The following TERB1 variants were observed in gnomAD, a reference collection of about 807,000 sequenced individuals.
TERB1 encodes the protein telomere repeats-binding bouquet formation protein 1.
TERB1 carries 63 observed loss-of-function variants against 92.3 expected under a neutral mutation model. The ratio of observed to expected loss-of-function variants is 0.68; its 90% CI spans 0.56 to 0.84. The LOEUF is 0.84. Ranked by LOEUF, TERB1 falls within the 40% of genes least tolerant of loss-of-function variation. TERB1 has a pLI of 0.00. For synonymous variants in TERB1, 252 were observed against 283.9 expected (o/e 0.89, Z 1.13); for missense variants, 709 against 843.7 (o/e 0.84, Z 1.98).
In TERB1 at chr16:66,755,180, A is replaced by G. The variant is rs1250694067; in HGVS notation, c.1997-17T>C. 2.1e-6 allele frequency: 3 copies of G among 1,420,856 alleles called. No individual in the cohort carries two copies. In the South Asian group the frequency reaches 3.7e-5, roughly 18 times the overall value. The allele number at this position is 1,420,856 out of a possible 1,614,324, so 88.0% of individuals were successfully genotyped here. Reference sequence around the variant, plus strand: ...TTCTTTTTTCTATAATTAGAATTGTAGAATATATTAGTATTTGCTGAACAA... The same window carrying G: ...TTCTTTTTTCTATAATTAGAATTGTGGAATATATTAGTATTTGCTGAACAA... On this transcript the variant is annotated splice_polypyrimidine_tract_variant and intron_variant, in intron 18 of 18. Coordinates refer to ENST00000433154, the MANE Select transcript of TERB1 (RefSeq NM_001136505.2).
intron 9 of TERB1, among the ~76,000 whole-genome samples, chr16:66,781,006 A>T (rs1441902392): frequency 6.6e-6 from 1 of 152,144 alleles, no homozygotes; most frequent in African/African-American, 2.4e-5. Flanking sequence ...TAGTATCTCC[A>T]TGGGATTTTA....
At position 66,754,984 on chromosome 16, in the gene TERB1, C is replaced by T; in HGVS notation, c.2176G>A (p.Ala726Thr). The T allele has an allele frequency of 6.5e-7, 1 of 1,548,464 alleles. No homozygotes were observed. Among genetic ancestry groups the T allele is most frequent in the Non-Finnish European group, 8.7e-7 (1 of 1,146,346 alleles). Residue 726 changes from alanine to threonine, a missense_variant, in exon 19 of 19, where the codon GCT becomes ACT. Ala to Thr is a moderately conservative substitution (Grantham distance 58). Coordinates refer to ENST00000433154, the MANE Select transcript of TERB1 (RefSeq NM_001136505.2). ...TGACAGTCTTCTTTCAATCAAGAAG[C>T]TGCACACGTGGGGTGTTTGGTCAGC... is the stretch of plus-strand genomic sequence containing the variant. ...HKLTKHPTCA[A>T]S
chr16:66,794,679 G>A (rs1178991088), intron 3 of TERB1, among the ~76,000 whole-genome samples: 1 of 152,124 alleles, frequency 6.6e-6, no homozygotes, highest in Non-Finnish European at 1.5e-5. Context: ...GGGAGGCCGA[G>A]GTGGGTGGAT....
intron 14 of TERB1, among the ~76,000 whole-genome samples, chr16:66,769,370 C>A (rs1371372322): frequency 6.6e-6 from 1 of 152,156 alleles, no homozygotes; most frequent in Non-Finnish European, 1.5e-5. Context: ...AATGTAGCAG[C>A]ATCCTCTTCA....
intron 11 of TERB1, among the ~76,000 whole-genome samples, chr16:66,776,858 G>T (rs528844175): frequency 1.3e-5 from 2 of 152,138 alleles, no homozygotes; most frequent in African/African-American, 4.8e-5. Context: ...GAAAAATGAA[G>T]GTAGAAGGGA....
intron 16 of TERB1, among the ~76,000 whole-genome samples, chr16:66,760,470 AG>A (rs1163324493): frequency 1.4e-3 from 103 of 73,212 alleles, no homozygotes; most frequent in South Asian, 2.9e-3. Flanking sequence ...AAAAAAAAAA[AG>A]AAAAGAAAAG....
chr16:66,783,484 G>A (rs1052583976), intron 9 of TERB1, among the ~76,000 whole-genome samples: 1 of 152,104 alleles, frequency 6.6e-6, no homozygotes, highest in Non-Finnish European at 1.5e-5. Flanking sequence ...ATTTTGTTAA[G>A]GATTTTTACA....
intron 11 of TERB1, among the ~76,000 whole-genome samples, chr16:66,776,831 A>C (rs559745540): frequency 1.6e-4 from 25 of 152,334 alleles, no homozygotes; most frequent in Non-Finnish European, 3.1e-4. Flanking sequence ...TTTGTGCAGC[A>C]ATGTGCAGAG....
chr16:66,792,503 A>T (rs569930604), intron 3 of TERB1, among the ~76,000 whole-genome samples: 1 of 152,318 alleles, frequency 6.6e-6, no homozygotes, highest in Non-Finnish European at 1.5e-5. Flanking sequence ...ATACAACATG[A>T]TCTTCTATAT....
Position 66,796,783 on chromosome 16 carries a change from T to C in TERB1, c.16A>G (p.Thr6Ala). 6.5e-7 allele frequency: 1 copy of C among 1,538,812 alleles called. No individual in the cohort carries two copies. Among genetic ancestry groups the C allele is most frequent in the Non-Finnish European group, 8.8e-7 (1 of 1,135,598 alleles). ...AATTTCTCACCTTGTGTTTTCTTTGTGTCTTCACTTTCCATGCTTGTCTAT... is the reference window on the plus strand; with the variant it reads ...AATTTCTCACCTTGTGTTTTCTTTGCGTCTTCACTTTCCATGCTTGTCTAT... Reference protein sequence around the residue: MESEDTKKTQEMKTDL... With the variant: MESEDAKKTQEMKTDL... The change falls in exon 3 of 19, where the codon ACA becomes GCA. Residue 6 changes from threonine (T) to alanine (A), a missense_variant. Thr to Ala is a moderately conservative substitution (Grantham distance 58). Transcript: ENST00000433154.
chr16:66,794,171 G>A (rs2018886655), intron 3 of TERB1, among the ~76,000 whole-genome samples: 1 of 151,490 alleles, frequency 6.6e-6, no homozygotes, highest in South Asian at 2.1e-4. Context: ...GCAATCACAG[G>A]GCACTGTAGC....
chr16:66,782,541 TTC>T (rs2018654323), intron 9 of TERB1, among the ~76,000 whole-genome samples: 1 of 149,678 alleles, frequency 6.7e-6, no homozygotes, highest in South Asian at 2.1e-4. Context: ...TAGAGTGAAA[TTC>T]TGTCTCAAAA....
At chr16:66,776,197 C>T (rs1403189261) in intron 11 of TERB1, among the ~76,000 whole-genome samples, 3 of 151,678 alleles carry the variant, frequency 2.0e-5, no homozygotes, top group African/African-American at 2.4e-5. Flanking sequence ...GCCCTGGTGG[C>T]GCATGCCTGT....
At chr16:66,788,390 T>C (rs1370245800) in intron 5 of TERB1, 93 bp from the exon 6 acceptor site, 25 of 1,053,964 alleles carry the variant, frequency 2.4e-5, no homozygotes, top group African/African-American at 5.1e-5. Context: ...TAACTGGCGA[T>C]GGTTCTTAAC....
At chr16:66,757,696 A>G (rs1032116235) in intron 18 of TERB1, among the ~76,000 whole-genome samples, 1 of 152,220 alleles carries the variant, frequency 6.6e-6, no homozygotes, top group Non-Finnish European at 1.5e-5. Flanking sequence ...ATGCTTCCTG[A>G]ATGTATCACG....
chr16:66,775,296 G>A (rs2018527335), intron 11 of TERB1, 53 bp from the exon 12 acceptor site: 9 of 1,454,500 alleles, frequency 6.2e-6, no homozygotes, highest in South Asian at 3.7e-5. Flanking sequence ...CTATCTATAT[G>A]AGGTCATAAT....
chr16:66,796,932 C>A (rs1186269837), intron 2 of TERB1, 102 bp from the exon 3 acceptor site: 2 of 583,190 alleles, frequency 3.4e-6, no homozygotes, highest in Non-Finnish European at 6.0e-6. Context: ...AGCCAAAAGA[C>A]CGAGGAACTA....
At position 66,755,038 on chromosome 16, in the gene TERB1, C is replaced by G. The variant is rs201994222; in HGVS notation, c.2122G>C (p.Ala708Pro). 3.2e-6 allele frequency: 5 copies of G among 1,551,664 alleles called. No homozygotes were observed. Among genetic ancestry groups the G allele is most frequent in the Middle Eastern group, 3.3e-4 (2 of 5,992 alleles). The change falls in exon 19 of 19, where the codon GCT becomes CCT. Residue 708 changes from alanine to proline, a missense_variant. Physicochemically the swap from Ala to Pro is conservative, Grantham distance 27. Transcript: ENST00000433154. ...TGGTATTTGTGAGCAAGGTCCACAG[C>G]CTTCCGTCCTTGCTGAAAGGGGAAA... ...WSFPFQQGRK[A>P]VDLAHKYHKL... is the part of the protein sequence containing the mutation.
At chr16:66,797,429 G>T (rs954595409) in intron 2 of TERB1, among the ~76,000 whole-genome samples, 3 of 151,628 alleles carry the variant, frequency 2.0e-5, no homozygotes, top group African/African-American at 7.3e-5. Context: ...TAGAGACGGG[G>T]TTTCGCCATA....
Sources: gnomAD v4.1 joint callset for allele counts (sites outside exome capture counted in the v4.1 genomes callset) on GRCh38, gnomAD v4.1.1 for gene constraint, MANE v1.5 for transcripts, NCBI Gene and HGNC (gene_info 2026-07-23, HGNC 2026-07-21) for gene names.